Variants in MYO5A observed in about 807,000 individuals in gnomAD.
MYO5A encodes the protein myosin VA.
A neutral mutation model predicts 249.7 loss-of-function variants in MYO5A; 98 were observed. The ratio of observed to expected loss-of-function variants is 0.39; its 90% CI spans 0.33 to 0.46. The LOEUF is 0.46. MYO5A is among the 20% of genes least tolerant of loss of function. The probability of loss-of-function intolerance (pLI) is 0.98; values close to 1 mark genes in which losing one functional copy is unlikely to be tolerated. For synonymous variants in MYO5A, 778 were observed against 810.6 expected (o/e 0.96, Z 0.68); for missense variants, 1,696 against 2,308.8 (o/e 0.73, Z 5.44).
chr15:52,459,215 G>A (rs1595721547), intron 1 of MYO5A, among the ~76,000 whole-genome samples: 1 of 133,394 alleles, frequency 7.5e-6, no homozygotes. Context: ...CAGAGAGGGG[G>A]ATTTGGCAGG....
intron 32 of MYO5A, among the ~76,000 whole-genome samples, chr15:52,339,875 C>T (rs367952094): frequency 6.2e-4 from 95 of 152,222 alleles, no homozygotes; most frequent in African/African-American, 2.2e-3. Flanking sequence ...CATAATAAAC[C>T]TAGGATGGCA....
intron 11 of MYO5A, among the ~76,000 whole-genome samples, chr15:52,394,758 G>C (rs1438815940): frequency 6.6e-6 from 1 of 152,224 alleles, no homozygotes; most frequent in African/African-American, 2.4e-5. Context: ...CAGTCACTCT[G>C]TGTGGAAACA....
At chr15:52,516,434 T>C (rs1388250856) in intron 1 of MYO5A, among the ~76,000 whole-genome samples, 1 of 151,870 alleles carries the variant, frequency 6.6e-6, no homozygotes, top group Non-Finnish European at 1.5e-5. Context: ...AAAATCAAGG[T>C]TTTAGTGGAG....
chr15:52,414,502 A>T (rs1724634), intron 5 of MYO5A, among the ~76,000 whole-genome samples: 71,208 of 151,942 alleles, frequency 0.47, 18,460 homozygotes, highest in East Asian at 0.85. Flanking sequence ...ATAAAATAGT[A>T]CACTCAACTC....
At chr15:52,408,252 ACT>A in intron 6 of MYO5A, 112 bp from the exon 7 acceptor site, 1 of 679,344 alleles carries the variant, frequency 1.5e-6, no homozygotes, top group East Asian at 2.8e-5. Flanking sequence ...AATAAATTAT[ACT>A]TTCCTATATT....
chr15:52,350,354 T>C (rs1381366927), intron 28 of MYO5A, among the ~76,000 whole-genome samples: 1 of 118,146 alleles, frequency 8.5e-6, no homozygotes, highest in Admixed American at 8.1e-5. Flanking sequence ...GGACCAGTGT[T>C]GATCTCAGGT....
At chr15:52,387,239 T>C (rs1234758526) in intron 14 of MYO5A, among the ~76,000 whole-genome samples, 1 of 152,178 alleles carries the variant, frequency 6.6e-6, no homozygotes, top group Non-Finnish European at 1.5e-5. Context: ...GCTCTTACCA[T>C]CTGGAATATT....
intron 37 of MYO5A, among the ~76,000 whole-genome samples, chr15:52,322,597 C>T (rs2038383171): frequency 6.6e-6 from 1 of 152,236 alleles, no homozygotes; most frequent in Non-Finnish European, 1.5e-5. Flanking sequence ...ACACCATATA[C>T]AGTAAGTGCT....
chr15:52,365,146 C>T (rs536298887), intron 23 of MYO5A, among the ~76,000 whole-genome samples: 5 of 152,320 alleles, frequency 3.3e-5, no homozygotes, highest in African/African-American at 1.2e-4. Flanking sequence ...TTTCAGTGGA[C>T]CCGGTTGTCC....
At chr15:52,461,464 C>G (rs1247574256) in intron 1 of MYO5A, among the ~76,000 whole-genome samples, 1 of 152,102 alleles carries the variant, frequency 6.6e-6, no homozygotes, top group African/African-American at 2.4e-5. Context: ...AAACAGAAAC[C>G]TAGTCACCCA....
intron 14 of MYO5A, among the ~76,000 whole-genome samples, chr15:52,386,590 G>A (rs932721292): frequency 3.3e-5 from 5 of 150,656 alleles, no homozygotes; most frequent in Non-Finnish European, 4.4e-5. Flanking sequence ...CGCTGTCTCC[G>A]AGGCTGGAGT....
intron 1 of MYO5A, among the ~76,000 whole-genome samples, chr15:52,488,285 G>A (rs2076865969): frequency 6.6e-6 from 1 of 151,628 alleles, no homozygotes; most frequent in African/African-American, 2.4e-5. Flanking sequence ...GTAAATATAT[G>A]TAGCTGATGT....
At chr15:52,444,632 T>C (rs533069693) in intron 1 of MYO5A, among the ~76,000 whole-genome samples, 1 of 152,266 alleles carries the variant, frequency 6.6e-6, no homozygotes, top group African/African-American at 2.4e-5. Context: ...TGAATCACTT[T>C]CTCCTGATTG....
rs2305419 is a variant in MYO5A, at chr15:52,330,560, C to G, written c.4409-61G>C. On this transcript the variant is annotated intron_variant, in intron 34 of 41. Transcript: ENST00000399233. ...TCCATATAAAAAACATGAGAGGTCT[C>G]CAAGTTCCTATAATTTTGAATGCAT... 3,474 of 1,588,132 alleles carry G rather than the reference C, an allele frequency of 2.2e-3. 43 individuals are homozygous for G. The African/African-American group carries it at 0.029, about 13-fold the overall frequency.
chr15:52,425,938 A>T lies in MYO5A; in HGVS notation c.347T>A (p.Leu116Gln), dbSNP rs1336825272. The T allele has an allele frequency of 6.2e-7, 1 of 1,613,214 alleles. No homozygotes were observed. The highest frequency in any genetic ancestry group is 1.7e-5 in the Admixed American group (1 of 60,020). The change falls in exon 4 of 42, where the codon CTG (leucine) becomes CAG (glutamine). Residue 116 changes from leucine (L) to glutamine (Q), a missense_variant. Around this residue, in one of 5 missense-constraint regions of MYO5A, gnomAD observed 197 missense variants for 320.3 expected, o/e 0.62. Transcript: ENST00000399233. ...AATAATATCTTCTCCATAAATAGGC[A>T]GCTGTTCATAGGGATTTATAGCTAC... ...VLVAINPYEQ[L>Q]PIYGEDIINA...
intron 1 of MYO5A, among the ~76,000 whole-genome samples, chr15:52,483,023 G>GA (rs1352605927): frequency 2.0e-5 from 3 of 152,284 alleles, no homozygotes; most frequent in East Asian, 1.9e-4. Context: ...TCACATAGAG[G>GA]AAAAAACCGA....
chr15:52,381,782 T>TCACA (rs1555438778), intron 16 of MYO5A, among the ~76,000 whole-genome samples: 28 of 137,858 alleles, frequency 2.0e-4, no homozygotes, highest in East Asian at 8.4e-4. Flanking sequence ...TCTCTCTCTC[T>TCACA]CACACACACA....
chr15:52,506,404 G>A (rs1186440392), intron 1 of MYO5A, among the ~76,000 whole-genome samples: 1 of 151,940 alleles, frequency 6.6e-6, no homozygotes, highest in Non-Finnish European at 1.5e-5. Context: ...GCACACACCT[G>A]TAATCCCAGC....
chr15:52,313,488 T>C lies in MYO5A; in HGVS notation c.*208A>G, dbSNP rs993402861. 8.0e-6 allele frequency: 5 copies of C among 622,800 alleles called. No homozygotes were observed. The Admixed American group carries it at 1.3e-4, about 17-fold the overall frequency. The allele number at this position is 622,800 out of a possible 1,614,324, so 38.6% of individuals were successfully genotyped here. A position where few individuals can be genotyped will look rare whatever the true frequency, so the allele number is the denominator to read the frequency against. ...GTACCTAGTTGGTTAAGGATGAGTG[T>C]TGCTATAAAGATAACACAGCACGAA... On this transcript the variant is annotated 3_prime_UTR_variant, in exon 42 of 42. Transcript: ENST00000399233.
Sources: gnomAD v4.1 joint callset for allele counts (sites outside exome capture counted in the v4.1 genomes callset) on GRCh38, gnomAD v4.1.1 for gene constraint, gnomAD v4.1.1 regional missense constraint, MANE v1.5 for transcripts, NCBI Gene and HGNC (gene_info 2026-07-23, HGNC 2026-07-21) for gene names.